The following CTDP1 variants were observed in gnomAD, a reference collection of about 807,000 sequenced individuals.
The protein encoded by CTDP1 is RNA polymerase II subunit A C-terminal domain phosphatase.
In CTDP1, 47 loss-of-function variants were observed where a neutral mutation model predicts 91.8. The observed-to-expected ratio is 0.51, with a 90% CI of 0.41 to 0.65. The LOEUF (loss-of-function observed/expected upper bound fraction) is 0.65, where lower values mean the gene tolerates loss of function less well. Ranked by LOEUF, CTDP1 falls within the 30% of genes least tolerant of loss-of-function variation. The probability of loss-of-function intolerance (pLI) is 0.00; values close to 1 mark genes in which losing one functional copy is unlikely to be tolerated. For missense variants in CTDP1, 1,272 were observed against 1,373.7 expected, an observed-to-expected ratio of 0.93 and a Z score of 1.17; for synonymous variants, 656 against 598.5, an observed-to-expected ratio of 1.10 and a Z score of -1.40.
At chr18:79,698,748 A>ATCAGT (rs917466229) in intron 4 of CTDP1, among the ~76,000 whole-genome samples, 1 of 151,156 alleles carries the variant, frequency 6.6e-6, no homozygotes, top group Non-Finnish European at 1.5e-5. Context: ...TCAGAGGCCC[A>ATCAGT]TCAGTTCTGA....
In CTDP1 at chr18:79,679,897, C is replaced by G. The variant is rs894407160; in HGVS notation, c.-51C>G. ...GTGTCGCCGCGGTAGGCGCTGCGCT[C>G]TGAGCGCAGCGCAGGCCCCGTACCG... On this transcript the variant is annotated 5_prime_UTR_variant, in exon 1 of 13. Transcript: ENST00000613122. 6 of 1,336,212 alleles carry G rather than the reference C, an allele frequency of 4.5e-6. No homozygotes were observed. The highest frequency in any genetic ancestry group is 1.6e-5 in the African/African-American group (1 of 63,340). The allele number at this position is 1,336,212 out of a possible 1,614,324, so 82.8% of individuals were successfully genotyped here.
chr18:79,717,604 G>A lies in CTDP1; in HGVS notation c.2138G>A (p.Ser713Asn), dbSNP rs1266132103. 1 of 1,613,944 alleles carries A rather than the reference G, an allele frequency of 6.2e-7. No individual in the cohort carries two copies. ...LHVVNPDWLW[S>N]CLERWDKVEE... ...GTGGTCAACCCTGACTGGCTGTGGA[G>A]CTGCCTGGAGCGCTGGGACAAGGTG... is the stretch of plus-strand genomic sequence containing the variant. The change falls in exon 9 of 13, where the codon AGC (serine) becomes AAC (asparagine). Residue 713 changes from serine to asparagine, a missense_variant. Transcript: ENST00000613122.
chr18:79,728,922 C>T lies in CTDP1; in HGVS notation c.2433C>T (p.Pro811=), dbSNP rs376423173. The T allele has an allele frequency of 3.9e-5, 63 of 1,614,000 alleles. No individual in the cohort carries two copies. The highest frequency in any genetic ancestry group is 3.9e-5 in the Non-Finnish European group (46 of 1,180,054). The change falls in exon 11 of 13, where the codon CCC becomes CCT. Residue 811 remains proline, a synonymous_variant. Coordinates refer to ENST00000613122, the MANE Select transcript of CTDP1 (RefSeq NM_004715.5). ...TTCCTTTCAGAGCGGTTCCGCCACC[C>T]CAGCCGCAGATGTTTGGTGAAGAGC... ...EPSSFRAVPP[P]QPQMFGEELP...
chr18:79,725,505 G>T (rs550325535), intron 10 of CTDP1, among the ~76,000 whole-genome samples: 8 of 151,984 alleles, frequency 5.3e-5, no homozygotes, highest in African/African-American at 1.9e-4. Context: ...TGAAGGAATT[G>T]CTCCGCTTAC....
rs371545181 is a variant in CTDP1, at chr18:79,713,145, A to G, written c.1030+7A>G. On this transcript the variant is annotated splice_region_variant and intron_variant, in intron 7 of 12. Transcript: ENST00000613122. The surrounding 1 kb of genome is among the most constrained non-coding windows in gnomAD (Gnocchi z 4.7). The stretch of plus-strand genomic sequence containing the variant: ...TCTCAGACGAGAAAGAAAGGTGGGT[A>G]ACCTCCTTCCTGATTCTCTAGAAGA... 26 of 1,613,528 alleles carry G rather than the reference A, an allele frequency of 1.6e-5. No homozygotes were observed. The Middle Eastern group carries it at 1.2e-3, about 71-fold the overall frequency.
intron 5 of CTDP1, among the ~76,000 whole-genome samples, chr18:79,709,976 C>T (rs769183109): frequency 2.0e-5 from 3 of 152,182 alleles, no homozygotes; most frequent in Middle Eastern, 3.2e-3. Flanking sequence ...GACTCCATCA[C>T]GTGAAGAACC....
chr18:79,746,993 G>A (rs72976193), intron 12 of CTDP1, among the ~76,000 whole-genome samples: 19,206 of 152,210 alleles, frequency 0.13, 1,605 homozygotes, highest in Non-Finnish European at 0.19. Context: ...TCCTGGTCGC[G>A]TGACTTGACC....
intron 12 of CTDP1, among the ~76,000 whole-genome samples, chr18:79,739,284 A>T (rs986031399): frequency 1.3e-5 from 2 of 152,118 alleles, no homozygotes; most frequent in Non-Finnish European, 2.9e-5. Context: ...GTCATCCAGG[A>T]TACGTGCTGC....
chr18:79,692,954 G>T (rs1374129181), intron 1 of CTDP1, among the ~76,000 whole-genome samples: 1 of 152,288 alleles, frequency 6.6e-6, no homozygotes, highest in Non-Finnish European at 1.5e-5. Flanking sequence ...GGGAAAGGAC[G>T]TGGGGCCATT....
chr18:79,752,230 C>T (rs2087017418), intron 12 of CTDP1, among the ~76,000 whole-genome samples: 1 of 151,576 alleles, frequency 6.6e-6, no homozygotes, highest in Non-Finnish European at 1.5e-5. Context: ...GTAAGGAAAG[C>T]CTAGTGGCAC....
At chr18:79,742,228 G>A (rs993401813) in intron 12 of CTDP1, among the ~76,000 whole-genome samples, 23 of 151,592 alleles carry the variant, frequency 1.5e-4, no homozygotes, top group South Asian at 6.3e-4. Context: ...CAGAGGAAGC[G>A]TGAGGGGTTG....
chr18:79,704,827 C>T lies in CTDP1; in HGVS notation c.682C>T (p.His228Tyr). The change falls in exon 5 of 13, where the codon CAC (histidine) becomes TAC (tyrosine). Residue 228 changes from histidine to tyrosine, a missense_variant. This residue lies in a region of CTDP1 where 177 missense variants were observed against 283.0 expected (regional missense o/e 0.63). Coordinates refer to ENST00000613122, the MANE Select transcript of CTDP1 (RefSeq NM_004715.5). ...CATGCTGCACACGCGCCTGCGTCCA[C>T]ACTGCAAGGACTTCCTGGAGAAGAT... ...EPMLHTRLRP[H>Y]CKDFLEKIAK... 6.2e-7 allele frequency: 1 copy of T among 1,614,066 alleles called. No homozygotes were observed. Among genetic ancestry groups the T allele is most frequent in the Non-Finnish European group, 8.5e-7 (1 of 1,180,042 alleles).
At chr18:79,707,941 A>G (rs748796168) in intron 5 of CTDP1, among the ~76,000 whole-genome samples, 3 of 152,246 alleles carry the variant, frequency 2.0e-5, no homozygotes, top group Non-Finnish European at 2.9e-5. Flanking sequence ...CGTGTCTTTT[A>G]TCTGATAGTA....
At chr18:79,687,109 C>T (rs2085514356) in intron 1 of CTDP1, among the ~76,000 whole-genome samples, 1 of 108,138 alleles carries the variant, frequency 9.2e-6, no homozygotes, top group Non-Finnish European at 1.9e-5. Context: ...CACTGGTGGG[C>T]CTGCACCGCA....
At chr18:79,700,918 A>G (rs930261452) in intron 4 of CTDP1, among the ~76,000 whole-genome samples, 7 of 152,144 alleles carry the variant, frequency 4.6e-5, no homozygotes, top group African/African-American at 1.4e-4. Flanking sequence ...GGCCCTTAAG[A>G]ATGATGCTAA....
upstream of CTDP1, chr18:79,678,869 G>A (rs898172359): frequency 1.2e-5 from 2 of 165,620 alleles, no homozygotes; most frequent in Admixed American, 1.3e-4. Flanking sequence ...TTTAGAGATA[G>A]GGTCTTGCTA....
chr18:79,740,524 A>AT (rs2122817598), intron 12 of CTDP1, among the ~76,000 whole-genome samples: 1 of 152,172 alleles, frequency 6.6e-6, no homozygotes, highest in South Asian at 2.1e-4. Flanking sequence ...TGAGTTTTTT[A>AT]TTTTTGCATG....
intron 10 of CTDP1, among the ~76,000 whole-genome samples, chr18:79,724,459 G>T (rs2086405851): frequency 6.6e-6 from 1 of 152,146 alleles, no homozygotes; most frequent in African/African-American, 2.4e-5. Flanking sequence ...GACCCAGGTG[G>T]CGTGGCCAGT....
intron 12 of CTDP1, among the ~76,000 whole-genome samples, chr18:79,750,338 G>A (rs1216522945): frequency 4.6e-5 from 7 of 151,968 alleles, no homozygotes; most frequent in East Asian, 1.9e-4. Flanking sequence ...GGCATGCACC[G>A]ACACTCCCAG....
Sources: allele counts gnomAD v4.1 joint callset (sites outside exome capture counted in the v4.1 genomes callset), GRCh38; gene constraint gnomAD v4.1.1; regional missense constraint gnomAD v4.1.1; non-coding constraint Gnocchi (gnomAD v3.1); transcripts MANE v1.5; gene names NCBI Gene and HGNC (gene_info 2026-07-23, HGNC 2026-07-21).